Variants in PANK4 observed in about 807,000 individuals in gnomAD.
PANK4 encodes the protein 4'-phosphopantetheine phosphatase.
PANK4 carries 40 observed loss-of-function variants against 87.9 expected under a neutral mutation model. The observed-to-expected ratio is 0.46, with a 90% CI of 0.35 to 0.59. PANK4 has a LOEUF of 0.59. Among genes scored for constraint, PANK4 ranks in the 20% least tolerant of loss-of-function variants. The pLI is 0.00. For missense variants in PANK4, 926 were observed against 1,072.3 expected (o/e 0.86, Z 1.90); for synonymous variants, 524 against 467.4 (o/e 1.12, Z -1.56).
rs768121936 is a variant in PANK4, at chr1:2,515,681, G to C, written c.1255C>G (p.Leu419Val). 1 of 1,612,464 alleles carries C rather than the reference G, an allele frequency of 6.2e-7. No individual in the cohort carries two copies. Among genetic ancestry groups the C allele is most frequent in the Non-Finnish European group, 8.5e-7 (1 of 1,179,848 alleles). Residue 419 changes from leucine to valine, a missense_variant, in exon 10 of 19, where the codon CTG becomes GTG. Leu to Val is a conservative substitution (Grantham distance 32). Transcript: ENST00000378466. The surrounding 1 kb of genome is among the most constrained non-coding windows in gnomAD (Gnocchi z 5.0). ...LLEMDRLERP[L>V]VDLPLLLDPP... is the part of the protein sequence containing the mutation. ...TCCAGGAGGAGCGGCAGGTCAACCA[G>C]TGGCCTCTCCAGCCGGTCCATTTCC...
chr1:2,521,645 G>T, intron 2 of PANK4, 73 bp downstream of exon 2: 2 of 1,187,636 alleles, frequency 1.7e-6, no homozygotes, highest in African/African-American at 1.5e-5. Context: ...AGGGATGACT[G>T]CGAGACAAGT....
At position 2,510,451 on chromosome 1, in the gene PANK4, C is replaced by T. The variant is rs916845333; in HGVS notation, c.1938+227G>A. 1.0e-5 allele frequency: 6 copies of T among 596,890 alleles called. No homozygotes were observed. Among genetic ancestry groups the T allele is most frequent in the Admixed American group, 3.0e-5 (1 of 33,852 alleles). 37.0% of individuals were successfully genotyped at this position (596,890 alleles called of 1,614,324 possible). A position where few individuals can be genotyped will look rare whatever the true frequency, so the allele number is the denominator to read the frequency against. On this transcript the variant is annotated intron_variant, in intron 16 of 18. Coordinates refer to ENST00000378466, the MANE Select transcript of PANK4 (RefSeq NM_018216.4). The surrounding 1 kb of genome is among the most constrained non-coding windows in gnomAD (Gnocchi z 4.9). ...TGTGAGCACCCTTCCAGGAGCCTGG[C>T]GTCAACCCTGGGCTTCAGCACATGG... is the stretch of plus-strand genomic sequence containing the variant.
rs756129472 is a variant in PANK4 at position 2,519,251 on chromosome 1, G to A, written c.927C>T (p.Leu309=). 6.8e-6 allele frequency: 11 copies of A among 1,612,536 alleles called. No individual in the cohort carries two copies. The South Asian group carries it at 1.1e-4, about 16-fold the overall frequency. The change falls in exon 7 of 19, where the codon CTC becomes CTT. Residue 309 remains leucine, a synonymous_variant. Coordinates refer to ENST00000378466, the MANE Select transcript of PANK4 (RefSeq NM_018216.4). This position sits in a 1 kb window ranked among gnomAD's most constrained non-coding sequence, Gnocchi z 8.3. The part of the protein sequence containing the change: ...ISNDIGQLAC[L]HARLHSLDRV... ...GGTCCAGGCTGTGCAGCCGTGCGTG[G>A]AGGCAGGCCAGCTGCCCAATGTCGT...
chr1:2,523,416 T>C (rs999453352), intron 1 of PANK4, among the ~76,000 whole-genome samples: 3 of 152,114 alleles, frequency 2.0e-5, no homozygotes, highest in African/African-American at 7.2e-5. Flanking sequence ...CTCACCTCAG[T>C]AAATAAATCG....
In PANK4 at chr1:2,509,327, G is replaced by A. The variant is rs532989480; in HGVS notation, c.2109-267C>T. ...GGGATGGATTCCTTGTCATTTTCAC[G>A]CCCTCCTTGTTGGTGAGAGTGGGGC... is the stretch of plus-strand genomic sequence containing the variant. On this transcript the variant is annotated intron_variant, in intron 18 of 18. Transcript: ENST00000378466. This position sits in a 1 kb window ranked among gnomAD's most constrained non-coding sequence, Gnocchi z 4.9. Among the ~76,000 whole-genome samples the A allele has an allele frequency of 4.7e-4, 72 of 152,132 alleles. No homozygotes were observed. Among genetic ancestry groups the A allele is most frequent in the Non-Finnish European group, 9.4e-4 (64 of 68,010 alleles).
chr1:2,509,740 G>A lies in PANK4; in HGVS notation c.2108+122C>T, dbSNP rs919163252. 26 of 820,816 alleles carry A rather than the reference G, an allele frequency of 3.2e-5. No homozygotes were observed. Among genetic ancestry groups the A allele is most frequent in the Non-Finnish European group, 4.9e-5 (24 of 488,482 alleles). The allele number at this position is 820,816 out of a possible 1,614,324, so 50.8% of individuals were successfully genotyped here. On this transcript the variant is annotated intron_variant, in intron 18 of 18. Transcript: ENST00000378466. This position sits in a 1 kb window ranked among gnomAD's most constrained non-coding sequence, Gnocchi z 4.9. ...CCTCCTGAGATCAATCCGGGCCTGG[G>A]GTCAGGAGAGGCCGCAGGGGCAGTC...
At chr1:2,514,828 G>C (rs1329716309) in intron 10 of PANK4, among the ~76,000 whole-genome samples, 1 of 152,078 alleles carries the variant, frequency 6.6e-6, no homozygotes, top group African/African-American at 2.4e-5. Context: ...GCCCCTCCCA[G>C]TTGCCCTGGG....
chr1:2,515,522 G>A lies in PANK4; in HGVS notation c.1374+40C>T, dbSNP rs140090365. 1.3e-3 allele frequency: 2,073 copies of A among 1,604,392 alleles called. 29 individuals are homozygous for A. The African/African-American group carries it at 0.024, about 19-fold the overall frequency. On this transcript the variant is annotated intron_variant, in intron 10 of 18. Transcript: ENST00000378466. This position sits in a 1 kb window ranked among gnomAD's most constrained non-coding sequence, Gnocchi z 5.0. ...GGAGCCTTGGAAGGTTAACCCGGCT[G>A]CGGCCTTGGAATCGTCTAGACGGCA...
chr1:2,513,372 C>G (rs1010068791), intron 12 of PANK4, among the ~76,000 whole-genome samples: 3 of 152,232 alleles, frequency 2.0e-5, no homozygotes, highest in Admixed American at 6.5e-5. Context: ...TCACAAGGCT[C>G]GGCGTGTGAG....
At chr1:2,523,961 A>G (rs1035293513) in intron 1 of PANK4, among the ~76,000 whole-genome samples, 2 of 152,208 alleles carry the variant, frequency 1.3e-5, no homozygotes, top group Non-Finnish European at 2.9e-5. Context: ...CATCTGAGCC[A>G]TGGCCTTCTA....
intron 12 of PANK4, 61 bp downstream of exon 12, chr1:2,513,941 C>A: frequency 3.3e-6 from 4 of 1,227,278 alleles, no homozygotes; most frequent in Non-Finnish European, 3.6e-6. Context: ...AGAGACAGGA[C>A]ACGCGGTGCC....
At position 2,518,227 on chromosome 1, in the gene PANK4, G is replaced by A; in HGVS notation, c.1155C>T (p.Gly385=). Reference sequence around the variant, plus strand: ...GTGATGCACTCATCAGCCCGGAGCTGCCTGCATAGTTCTCTCCCCAGCTGT... The same window carrying A: ...GTGATGCACTCATCAGCCCGGAGCTACCTGCATAGTTCTCTCCCCAGCTGT... ...NQYSWGENYA[G]SSGLMSASPE... is the part of the protein sequence containing the mutation. The change falls in exon 9 of 19, where the codon GGC becomes GGT. Residue 385 remains glycine (G), a synonymous_variant. Coordinates refer to ENST00000378466, the MANE Select transcript of PANK4 (RefSeq NM_018216.4). The A allele has an allele frequency of 6.2e-7, 1 of 1,611,978 alleles. No homozygotes were observed. The highest frequency in any genetic ancestry group is 1.3e-5 in the African/African-American group (1 of 75,056).
At chr1:2,513,128 C>T (rs911867316) in intron 12 of PANK4, 89 bp from the exon 13 acceptor site, 39 of 1,408,892 alleles carry the variant, frequency 2.8e-5, no homozygotes, top group South Asian at 8.1e-5. Flanking sequence ...TTCCATACCA[C>T]GCCCCTCAGG....
rs1643610419 is a variant in PANK4, at chr1:2,508,776, C to T, written c.*71G>A. The T allele has an allele frequency of 1.1e-6, 1 of 911,594 alleles. No homozygotes were observed. The highest frequency in any genetic ancestry group is 2.0e-5 in the Admixed American group (1 of 48,850). The allele number at this position is 911,594 out of a possible 1,614,324, so 56.5% of individuals were successfully genotyped here. ...CCATATAAATACGTTGATTTGAACG[C>T]AGTTTCCCTGTGGTGGTAAAAACAC... On this transcript the variant is annotated 3_prime_UTR_variant, in exon 19 of 19. Coordinates refer to ENST00000378466, the MANE Select transcript of PANK4 (RefSeq NM_018216.4). This position sits in a 1 kb window ranked among gnomAD's most constrained non-coding sequence, Gnocchi z 5.1.
intron 8 of PANK4, 97 bp downstream of exon 8, chr1:2,518,419 C>T (rs1410465395): frequency 9.8e-6 from 11 of 1,118,162 alleles, no homozygotes; most frequent in Admixed American, 8.4e-5. Flanking sequence ...TCACGCTCCC[C>T]ACCCCACCTC....
rs1272682906 is a variant in PANK4 at position 2,518,559 on chromosome 1, G to A, written c.1074C>T (p.Tyr358=). The A allele has an allele frequency of 3.2e-6, 5 of 1,574,518 alleles. No homozygotes were observed. Among genetic ancestry groups the A allele is most frequent in the Non-Finnish European group, 4.3e-6 (5 of 1,159,924 alleles). The change falls in exon 8 of 19, where the codon TAC becomes TAT. Residue 358 remains tyrosine, a synonymous_variant. Transcript: ENST00000378466. The stretch of plus-strand genomic sequence containing the variant: ...TCAGGAACGCTCCGATGGCTCCCAG[G>A]TAGCCTTCGTGCCTCAGAAACAGCG... ...VQALFLRHEG[Y]LGAIGAFLKG...
intron 10 of PANK4, among the ~76,000 whole-genome samples, chr1:2,514,680 C>CGGGGCA (rs1214723028): frequency 4.2e-5 from 1 of 24,024 alleles, no homozygotes; most frequent in African/African-American, 2.6e-4. Flanking sequence ...GGGGGCTTCC[C>CGGGGCA]GGGGCAGGGT....
chr1:2,522,942 G>A (rs1485132182), intron 1 of PANK4, among the ~76,000 whole-genome samples: 8 of 152,308 alleles, frequency 5.3e-5, no homozygotes, highest in African/African-American at 1.9e-4. Context: ...TTAACAGAGG[G>A]GACCGTGTGG....
In PANK4 at chr1:2,519,060, C is replaced by A; in HGVS notation, c.1035+83G>T. 1 of 1,308,542 alleles carries A rather than the reference C, an allele frequency of 7.6e-7. No individual in the cohort carries two copies. The highest frequency in any genetic ancestry group is 1.1e-6 in the Non-Finnish European group (1 of 929,576). 81.1% of individuals were successfully genotyped at this position (1,308,542 alleles called of 1,614,324 possible). On this transcript the variant is annotated intron_variant, in intron 7 of 18. Coordinates refer to ENST00000378466, the MANE Select transcript of PANK4 (RefSeq NM_018216.4). The surrounding 1 kb of genome is among the most constrained non-coding windows in gnomAD (Gnocchi z 8.3). ...CACCCTCCAGGCCTCCCTGGGGGTG[C>A]TGCGGTGTCTAACCAGCATGACTGA...
Sources: allele counts gnomAD v4.1 joint callset (sites outside exome capture counted in the v4.1 genomes callset), GRCh38; gene constraint gnomAD v4.1.1; non-coding constraint Gnocchi (gnomAD v3.1); transcripts MANE v1.5; gene names NCBI Gene and HGNC (gene_info 2026-07-23, HGNC 2026-07-21).